The following ARK2C variants were observed in gnomAD, a reference collection of about 807,000 sequenced individuals.
ARK2C encodes arkadia (RNF111) C-terminal like ring finger ubiquitin ligase 2C, also known as E3 ubiquitin-protein ligase ARK2C.
At chr18:46,383,698 G>GCGC in the ARK2C span, among the ~76,000 whole-genome samples, 15 of 152,232 alleles carry the variant, frequency 9.9e-5, no homozygotes, top group East Asian at 5.8e-4. Flanking sequence ...GGGACTACAG[G>GCGC]CAGCCACCAC....
At chr18:46,444,824 T>G in the ARK2C span, among the ~76,000 whole-genome samples, 1 of 152,138 alleles carries the variant, frequency 6.6e-6, no homozygotes, top group African/African-American at 2.4e-5. Context: ...TCTTTTCTTT[T>G]GTAGTATCTA....
chr18:46,416,398 C>T, the ARK2C span, among the ~76,000 whole-genome samples: 1 of 152,206 alleles, frequency 6.6e-6, no homozygotes, highest in Non-Finnish European at 1.5e-5. Flanking sequence ...CCGCCAAGCA[C>T]CCAGATTGCA....
the ARK2C span, among the ~76,000 whole-genome samples, chr18:46,375,757 G>A: frequency 6.6e-6 from 1 of 152,084 alleles, no homozygotes; most frequent in South Asian, 2.1e-4. Flanking sequence ...ATATTTTGAG[G>A]TGGGAGCAGC....
the ARK2C span, among the ~76,000 whole-genome samples, chr18:46,380,425 T>C: frequency 6.6e-6 from 1 of 152,194 alleles, no homozygotes; most frequent in African/African-American, 2.4e-5. Context: ...GTGACAGTAA[T>C]AATGACAATA....
At chr18:46,453,622 T>C in the ARK2C span, among the ~76,000 whole-genome samples, 1 of 151,836 alleles carries the variant, frequency 6.6e-6, no homozygotes, top group African/African-American at 2.4e-5. Context: ...TTAAAAATTA[T>C]ACACAAGTGA....
At chr18:46,410,007 T>C in the ARK2C span, among the ~76,000 whole-genome samples, 1 of 152,210 alleles carries the variant, frequency 6.6e-6, no homozygotes, top group Non-Finnish European at 1.5e-5. Flanking sequence ...TTCATGATCT[T>C]GCCAAATCAC....
chr18:46,427,322 G>A, the ARK2C span, among the ~76,000 whole-genome samples: 1 of 152,242 alleles, frequency 6.6e-6, no homozygotes, highest in Non-Finnish European at 1.5e-5. Context: ...CTGCTGGAGG[G>A]CACAGGTTGT....
chr18:46,445,902 CT>C, the ARK2C span, among the ~76,000 whole-genome samples: 116,085 of 148,988 alleles, frequency 0.78, 46,009 homozygotes, highest in Middle Eastern at 0.82. Context: ...TCTCCATATC[CT>C]TTTTTTTTTT....
the ARK2C span, among the ~76,000 whole-genome samples, chr18:46,420,655 G>A: frequency 8.5e-5 from 13 of 152,196 alleles, 1 homozygote; most frequent in African/African-American, 2.9e-4. Context: ...GACCAGCCTG[G>A]CCAACATGGT....
the ARK2C span, among the ~76,000 whole-genome samples, chr18:46,341,691 C>G: frequency 3.3e-5 from 5 of 152,256 alleles, no homozygotes; most frequent in East Asian, 3.9e-4. Context: ...CTTGTCCCCC[C>G]CAGACTCTCT....
At chr18:46,425,568 C>A in the ARK2C span, among the ~76,000 whole-genome samples, 1 of 152,202 alleles carries the variant, frequency 6.6e-6, no homozygotes, top group Non-Finnish European at 1.5e-5. Context: ...GGGGCTGGAG[C>A]ATCAGGACCT....
At chr18:46,379,775 G>A in the ARK2C span, among the ~76,000 whole-genome samples, 7 of 152,220 alleles carry the variant, frequency 4.6e-5, no homozygotes, top group Non-Finnish European at 8.8e-5. Flanking sequence ...CAGGGGAAGA[G>A]GAGTTTGATA....
the ARK2C span, among the ~76,000 whole-genome samples, chr18:46,342,342 G>A: frequency 1.3e-5 from 2 of 152,084 alleles, no homozygotes; most frequent in African/African-American, 2.4e-5. Context: ...CTGCTTTCCC[G>A]CCATAGCTGG....
chr18:46,340,415 G>A, the ARK2C span, among the ~76,000 whole-genome samples: 1 of 152,040 alleles, frequency 6.6e-6, no homozygotes, highest in East Asian at 1.9e-4. Flanking sequence ...GTTAATGAGT[G>A]TTCATTGAAT....
chr18:46,371,180 C>T, the ARK2C span, among the ~76,000 whole-genome samples: 1 of 152,156 alleles, frequency 6.6e-6, no homozygotes, highest in Non-Finnish European at 1.5e-5. Context: ...ACAGGGGAAA[C>T]AGCTCCCATG....
the ARK2C span, among the ~76,000 whole-genome samples, chr18:46,404,328 A>T: frequency 6.6e-6 from 1 of 152,262 alleles, no homozygotes; most frequent in Non-Finnish European, 1.5e-5. Flanking sequence ...ATTCCCAAGT[A>T]ATTTTGATGG....
At chr18:46,420,539 T>G in the ARK2C span, among the ~76,000 whole-genome samples, 14 of 152,210 alleles carry the variant, frequency 9.2e-5, no homozygotes, top group African/African-American at 3.4e-4. Flanking sequence ...CACCCTAGCA[T>G]GTCTTGAAAG....
the ARK2C span, chr18:46,334,085 G>T: frequency 1.3e-5 from 2 of 158,114 alleles, no homozygotes; most frequent in South Asian, 3.5e-4. The surrounding 1 kb of genome is among the most constrained non-coding windows in gnomAD (Gnocchi z 4.4). Context: ...GAGAGGGGCC[G>T]GGAAGGGAGC....
the ARK2C span, among the ~76,000 whole-genome samples, chr18:46,411,631 G>A: frequency 2.0e-5 from 3 of 152,218 alleles, no homozygotes; most frequent in East Asian, 3.8e-4. Context: ...TGTGACGAGA[G>A]CCCATCCCAG....
Sources: allele counts gnomAD v4.1 joint callset (sites outside exome capture counted in the v4.1 genomes callset), GRCh38; gene constraint gnomAD v4.1.1; non-coding constraint Gnocchi (gnomAD v3.1); transcripts MANE v1.5; gene names NCBI Gene and HGNC (gene_info 2026-07-23, HGNC 2026-07-21).